DGKH: variants seen among roughly 807,000 people sequenced by gnomAD.
DGKH encodes DAG kinase eta.
Under a neutral mutation model 159.3 loss-of-function variants are expected in DGKH, and 90 were observed. That is an observed-to-expected ratio of 0.57 (90% confidence interval 0.48 to 0.67). The LOEUF (loss-of-function observed/expected upper bound fraction) is 0.67. Ranked by LOEUF, DGKH falls within the 30% of genes least tolerant of loss-of-function variation. DGKH has a pLI of 0.00. For missense variants in DGKH, 1,181 were observed against 1,506.1 expected (o/e 0.78, Z 3.57); for synonymous variants, 536 against 553.8 (o/e 0.97, Z 0.45).
At chr13:42,046,948 T>G (rs1880826978), upstream of DGKH, among the ~76,000 whole-genome samples, 2 of 152,264 alleles carry the variant, frequency 1.3e-5, no homozygotes, top group Non-Finnish European at 2.9e-5. Flanking sequence ...TTCCAAAATA[T>G]TGGACTTGTC....
chr13:42,190,330 T>C, intron 15 of DGKH, 73 bp from the exon 16 acceptor site: 1 of 1,535,892 alleles, frequency 6.5e-7, no homozygotes, highest in East Asian at 2.5e-5. Flanking sequence ...AATTTGCCTT[T>C]CCTGAGCATA....
At chr13:42,197,447 A>G (rs1199620927) in intron 17 of DGKH, among the ~76,000 whole-genome samples, 1 of 152,094 alleles carries the variant, frequency 6.6e-6, no homozygotes, top group Non-Finnish European at 1.5e-5. Context: ...ACATTAAACG[A>G]AAGAACAAAA....
At chr13:42,220,254 T>C (rs1957930672) in intron 28 of DGKH, among the ~76,000 whole-genome samples, 1 of 152,200 alleles carries the variant, frequency 6.6e-6, no homozygotes, top group South Asian at 2.1e-4. Context: ...GCCGATTACA[T>C]TTTCCACCTA....
rs1442404557 is a variant in DGKH at position 42,233,494 on chromosome 13, C to T, written c.*4306C>T. The stretch of plus-strand genomic sequence containing the variant: ...CAAAAGGTCCCCGGAATAGCTTGTT[C>T]CTTCATCCACTGTGTCCTATTCATT... On this transcript the variant is annotated 3_prime_UTR_variant, in exon 30 of 30. Transcript: ENST00000337343. 6.6e-6 allele frequency: 1 copy of T among 152,260 alleles called. No individual in the cohort carries two copies. Among genetic ancestry groups the T allele is most frequent in the Non-Finnish European group, 1.5e-5 (1 of 68,060 alleles). The allele number at this position is 152,260 out of a possible 1,614,324, so 9.4% of individuals were successfully genotyped here.
chr13:42,057,180 A>T lies in DGKH; in HGVS notation c.192+8215A>T, dbSNP rs1881827164. 2.0e-5 allele frequency among the ~76,000 whole-genome samples: 3 copies of T among 152,208 alleles called. No individual in the cohort carries two copies. In the South Asian group the frequency reaches 6.2e-4, roughly 31 times the overall value. Reference sequence around the variant, plus strand: ...AAAGAAAACTGTTAGTTTCACTTCTATAAGGTAAGATGCCATTTTTGAAAG... The same window carrying T: ...AAAGAAAACTGTTAGTTTCACTTCTTTAAGGTAAGATGCCATTTTTGAAAG... On this transcript the variant is annotated intron_variant, in intron 1 of 29. Transcript: ENST00000337343.
At chr13:42,056,094 A>C (rs553164346) in intron 1 of DGKH, among the ~76,000 whole-genome samples, 11 of 152,242 alleles carry the variant, frequency 7.2e-5, no homozygotes, top group Non-Finnish European at 1.5e-4. Context: ...CCTTGCCTCT[A>C]AAACAAAAGA....
At chr13:42,247,219 A>G (rs894230063), downstream of DGKH, among the ~76,000 whole-genome samples, 1 of 144,316 alleles carries the variant, frequency 6.9e-6, no homozygotes, top group Non-Finnish European at 1.5e-5. Context: ...CATTTCCTAC[A>G]CTATGTATAC....
chr13:42,061,058 A>G (rs1377575219), intron 1 of DGKH, among the ~76,000 whole-genome samples: 3 of 152,160 alleles, frequency 2.0e-5, no homozygotes, highest in Non-Finnish European at 4.4e-5. Context: ...TCCTCCATAG[A>G]GGAAGGGGTC....
At chr13:42,181,225 G>C (rs1288145783) in intron 13 of DGKH, among the ~76,000 whole-genome samples, 3 of 143,698 alleles carry the variant, frequency 2.1e-5, no homozygotes, top group East Asian at 4.2e-4. Context: ...TGCAGTGAGC[G>C]GAGATTGCGC....
At chr13:42,069,117 A>G in intron 1 of DGKH, 2 of 1,390,222 alleles carry the variant, frequency 1.4e-6, no homozygotes, top group Non-Finnish European at 2.0e-6. Flanking sequence ...TTGTTCAGAA[A>G]TCCTTCCTCA....
Position 42,210,698 on chromosome 13 carries a change from G to A in DGKH, c.2947G>A (p.Asp983Asn). The change falls in exon 24 of 30, where the codon GAC becomes AAC. Residue 983 changes from aspartate to asparagine, a missense_variant. Physicochemically the swap from Asp to Asn is conservative, Grantham distance 23 (BLOSUM62 1). Transcript: ENST00000337343. ...CCATTTGTACATCCATCACGCCATT[G>A]ACTTGGCAACAGAAGAGGTGTCGCA... ...RTHLYIHHAI[D>N]LATEEVSQMQ... The A allele has an allele frequency of 6.2e-7, 1 of 1,612,220 alleles. No individual in the cohort carries two copies. Among genetic ancestry groups the A allele is most frequent in the Non-Finnish European group, 8.5e-7 (1 of 1,179,930 alleles).
chr13:42,216,937 C>A (rs145851000), intron 26 of DGKH, among the ~76,000 whole-genome samples: 1 of 152,120 alleles, frequency 6.6e-6, no homozygotes, highest in Non-Finnish European at 1.5e-5. Flanking sequence ...TTTCTCTACA[C>A]GAAAAGTACC....
chr13:42,167,573 G>A (rs1254473118), intron 9 of DGKH, among the ~76,000 whole-genome samples: 1 of 151,900 alleles, frequency 6.6e-6, no homozygotes, highest in East Asian at 1.9e-4. Context: ...GGCCCTTCTG[G>A]TCACATGGAT....
intron 1 of DGKH, among the ~76,000 whole-genome samples, chr13:42,126,928 A>G (rs1004687980): frequency 2.6e-5 from 4 of 152,212 alleles, no homozygotes; most frequent in Admixed American, 1.3e-4. Context: ...AGCACATACT[A>G]TACACCATGC....
intron 7 of DGKH, among the ~76,000 whole-genome samples, chr13:42,163,967 G>A (rs1956254375): frequency 6.6e-6 from 1 of 152,078 alleles, no homozygotes; most frequent in Admixed American, 6.6e-5. Context: ...TAATGCCTAG[G>A]TTTTCTTCTA....
chr13:42,183,507 T>A (rs111312960), intron 13 of DGKH, among the ~76,000 whole-genome samples: 167 of 152,330 alleles, frequency 1.1e-3, no homozygotes, highest in African/African-American at 3.7e-3. Context: ...TATTTATTTA[T>A]TCAGTGATAC....
At chr13:42,221,650 A>G (rs1203578172) in intron 29 of DGKH, among the ~76,000 whole-genome samples, 2 of 152,226 alleles carry the variant, frequency 1.3e-5, no homozygotes, top group Admixed American at 6.5e-5. Context: ...ATCTAGTGAT[A>G]TGACTGTTGC....
chr13:42,210,901 C>G, intron 24 of DGKH, 136 bp downstream of exon 24: 2 of 730,560 alleles, frequency 2.7e-6, no homozygotes, highest in South Asian at 2.0e-5. Flanking sequence ...AGCACTCTTT[C>G]CATTATTGTT....
rs61963980 is a variant in DGKH, at chr13:42,040,126, G to A, written c.-13G>A. Reference sequence around the variant, plus strand: ...GCTGAGTTTTCGCTCCGCTGAAGCCGGTTACTGTCCAGTGGGATTTCGCTC... The same window carrying A: ...GCTGAGTTTTCGCTCCGCTGAAGCCAGTTACTGTCCAGTGGGATTTCGCTC... On this transcript the variant is annotated splice_region_variant and 5_prime_UTR_variant, in exon 1 of 30. Coordinates refer to the DGKH transcript ENST00000379274. The A allele has an allele frequency of 0.14, 21,640 of 152,308 alleles. 1,661 individuals are homozygous for A. The highest frequency in any genetic ancestry group is 0.16 in the Non-Finnish European group (10,706 of 68,050). 9.4% of individuals were successfully genotyped at this position (152,308 alleles called of 1,614,324 possible). A position where few individuals can be genotyped will look rare whatever the true frequency, so the allele number is the denominator to read the frequency against.
Sources: allele counts gnomAD v4.1 joint callset (sites outside exome capture counted in the v4.1 genomes callset), GRCh38; gene constraint gnomAD v4.1.1; transcripts MANE v1.5; gene names NCBI Gene and HGNC (gene_info 2026-07-23, HGNC 2026-07-21).